NCF2: variants seen among roughly 807,000 people sequenced by gnomAD.
The protein encoded by NCF2 is neutrophil cytosolic factor 2.
A neutral mutation model predicts 70.9 loss-of-function variants in NCF2; 45 were observed. The ratio of observed to expected loss-of-function variants is 0.63; its 90% CI spans 0.50 to 0.81. The LOEUF (loss-of-function observed/expected upper bound fraction) is 0.81, where lower values mean the gene tolerates loss of function less well. Ranked by LOEUF, NCF2 falls within the 40% of genes least tolerant of loss-of-function variation. The pLI is 0.00. For missense variants in NCF2, 522 were observed against 631.6 expected (o/e 0.83, Z 1.86); for synonymous variants, 203 against 233.6 (o/e 0.87, Z 1.19).
At chr1:183,566,006 C>A (rs1672283740) in intron 9 of NCF2, among the ~76,000 whole-genome samples, 1 of 152,216 alleles carries the variant, frequency 6.6e-6, no homozygotes, top group Non-Finnish European at 1.5e-5. Flanking sequence ...AAGAAGAATC[C>A]TAACCCGCTA....
At chr1:183,598,777 A>G in the NCF2 span, among the ~76,000 whole-genome samples, 3 of 152,196 alleles carry the variant, frequency 2.0e-5, no homozygotes, top group Non-Finnish European at 2.9e-5. Context: ...GGATGGTGAG[A>G]AAGTTGCTAG....
At chr1:183,583,250 C>T (rs1037671760) in intron 2 of NCF2, among the ~76,000 whole-genome samples, 9 of 152,142 alleles carry the variant, frequency 5.9e-5, no homozygotes, top group African/African-American at 1.4e-4. Flanking sequence ...GACAAGGTTT[C>T]GCCATGTTGG....
intron 4 of NCF2, 119 bp from the exon 5 acceptor site, chr1:183,573,411 C>G: frequency 1.0e-6 from 1 of 964,726 alleles, no homozygotes. Flanking sequence ...AAGCCCTTTT[C>G]CAAATGAGTG....
Position 183,568,377 on chromosome 1 carries a change from G to A in NCF2, c.713+765C>T, listed in dbSNP as rs1052006215. 6.6e-5 allele frequency among the ~76,000 whole-genome samples: 10 copies of A among 151,812 alleles called. 1 individual carries two copies. The highest frequency in any genetic ancestry group is 3.3e-4 in the Admixed American group (5 of 15,206). ...ACATGGGGTTTTGCCACGTTGGCCC[G>A]GCTGGTCTCGAACTCCTGATCTCAA... is the stretch of plus-strand genomic sequence containing the variant. On this transcript the variant is annotated intron_variant, in intron 7 of 14. Coordinates refer to ENST00000367535, the MANE Select transcript of NCF2 (RefSeq NM_000433.4).
upstream of NCF2, chr1:183,590,825 C>T (rs545215717): frequency 1.1e-5 from 2 of 179,394 alleles, no homozygotes; most frequent in South Asian, 2.0e-4. Flanking sequence ...GGGCAGGTCC[C>T]TGGTGAAACC....
At chr1:183,581,851 T>C (rs569596664) in intron 2 of NCF2, among the ~76,000 whole-genome samples, 34 of 152,258 alleles carry the variant, frequency 2.2e-4, no homozygotes, top group African/African-American at 8.2e-4. Context: ...GTGTTTTTAG[T>C]AGAGCCAGGG....
At chr1:183,563,685 A>G (rs371840639) in intron 11 of NCF2, 100 bp from the exon 12 acceptor site, 15 of 1,457,012 alleles carry the variant, frequency 1.0e-5, no homozygotes, top group Admixed American at 1.0e-4. Flanking sequence ...GGGGTACCCA[A>G]TACAGCAGGG....
Position 183,562,978 on chromosome 1 carries a change from C to T in NCF2, c.1290+217G>A, listed in dbSNP as rs186850514. 8.8e-4 allele frequency among the ~76,000 whole-genome samples: 134 copies of T among 152,252 alleles called. 2 individuals are homozygous for T. The East Asian group carries it at 0.019, about 21-fold the overall frequency. ...GCAGGAGGCTTTCTGTGAGCTCCTGCCCTGCTGGGCCTGCTGTTCTCTTGT... is the reference window on the plus strand; with the variant it reads ...GCAGGAGGCTTTCTGTGAGCTCCTGTCCTGCTGGGCCTGCTGTTCTCTTGT... On this transcript the variant is annotated intron_variant, in intron 13 of 14. Transcript: ENST00000367535.
At chr1:183,586,378 A>G (rs866883473) in intron 2 of NCF2, among the ~76,000 whole-genome samples, 4 of 152,258 alleles carry the variant, frequency 2.6e-5, no homozygotes, top group Non-Finnish European at 2.9e-5. Flanking sequence ...CTTTTTCTGT[A>G]TAAGTGCATA....
intron 6 of NCF2, among the ~76,000 whole-genome samples, chr1:183,569,882 G>T (rs1373313410): frequency 2.0e-5 from 3 of 152,222 alleles, no homozygotes; most frequent in African/African-American, 7.2e-5. Flanking sequence ...GAGCCACTGT[G>T]CCTGGCCACT....
intron 13 of NCF2, 81 bp from the exon 14 acceptor site, chr1:183,560,354 G>A (rs1296321856): frequency 2.0e-6 from 3 of 1,483,558 alleles, no homozygotes; most frequent in Admixed American, 1.7e-5. Flanking sequence ...ACAGCGAAAT[G>A]TCAAAGTAGA....
At chr1:183,601,802 G>C in the NCF2 span, among the ~76,000 whole-genome samples, 1 of 150,092 alleles carries the variant, frequency 6.7e-6, no homozygotes, top group African/African-American at 2.5e-5. Context: ...AGCTTGCAGT[G>C]AGCCAGGATC....
At chr1:183,578,619 G>C (rs1672916316) in intron 2 of NCF2, among the ~76,000 whole-genome samples, 1 of 152,198 alleles carries the variant, frequency 6.6e-6, no homozygotes, top group Non-Finnish European at 1.5e-5. Context: ...GCCCGCCTTG[G>C]CCTCCCAAAA....
At chr1:183,585,373 C>A (rs1256166763) in intron 2 of NCF2, among the ~76,000 whole-genome samples, 1 of 152,172 alleles carries the variant, frequency 6.6e-6, no homozygotes, top group Non-Finnish European at 1.5e-5. Context: ...TGCCTGTAAT[C>A]CCAGTACTTT....
At chr1:183,570,860 G>C in intron 5 of NCF2, 21 bp from the exon 6 acceptor site, 1 of 1,613,426 alleles carries the variant, frequency 6.2e-7, no homozygotes, top group Non-Finnish European at 8.5e-7. Context: ...GGACAGGAGG[G>C]TGTGAGGCTC....
At chr1:183,587,430 C>T (rs1271262422) in intron 1 of NCF2, among the ~76,000 whole-genome samples, 5 of 151,752 alleles carry the variant, frequency 3.3e-5, no homozygotes, top group East Asian at 1.9e-4. Flanking sequence ...TCCATCTCTA[C>T]GAAAAATTTA....
chr1:183,567,541 A>T (rs746501134), intron 7 of NCF2, 196 bp from the exon 8 acceptor site: 2 of 756,136 alleles, frequency 2.6e-6, no homozygotes, highest in Non-Finnish European at 4.7e-6. Flanking sequence ...CCTGCTCATA[A>T]CCATATATGC....
chr1:183,574,372 C>T (rs1672702549), intron 4 of NCF2, 115 bp downstream of exon 4: 1 of 1,456,962 alleles, frequency 6.9e-7, no homozygotes, highest in South Asian at 1.1e-5. Flanking sequence ...ATCAGTGTTA[C>T]CCAGACTCAC....
At chr1:183,598,779 A>G in the NCF2 span, among the ~76,000 whole-genome samples, 1 of 152,198 alleles carries the variant, frequency 6.6e-6, no homozygotes, top group African/African-American at 2.4e-5. Flanking sequence ...ATGGTGAGAA[A>G]GTTGCTAGCT....
Sources: allele counts gnomAD v4.1 joint callset (sites outside exome capture counted in the v4.1 genomes callset), GRCh38; gene constraint gnomAD v4.1.1; transcripts MANE v1.5; gene names NCBI Gene and HGNC (gene_info 2026-07-23, HGNC 2026-07-21).